The following DNAJB6 variants were observed in gnomAD, a reference collection of about 807,000 sequenced individuals.
DNAJB6 encodes the protein DnaJ heat shock protein family (Hsp40) member B6, also known as dnaJ homolog subfamily B member 6.
A neutral mutation model predicts 42.7 loss-of-function variants in DNAJB6; 16 were observed. That is an observed-to-expected ratio of 0.37 (90% CI 0.25 to 0.57). The LOEUF is 0.57. DNAJB6 is among the 20% of genes least tolerant of loss of function. DNAJB6 has a pLI of 0.74. For synonymous variants in DNAJB6, 170 were observed against 163.5 expected (o/e 1.04, Z -0.30); for missense variants, 347 against 416.8 (o/e 0.83, Z 1.46).
At chr7:157,413,884 G>C (rs1796040861) in intron 9 of DNAJB6, 1 of 152,044 alleles carries the variant, frequency 6.6e-6, no homozygotes, top group Non-Finnish European at 1.5e-5. Flanking sequence ...ACCACTTCTG[G>C]CTCATTTTTG....
chr7:157,410,199 C>T, intron 9 of DNAJB6, 198 bp downstream of exon 9: 4 of 1,312,454 alleles, frequency 3.0e-6, no homozygotes, highest in Non-Finnish European at 3.0e-6. Flanking sequence ...TGGCTCCGGG[C>T]CCCCCACCGT....
intron 5 of DNAJB6, among the ~76,000 whole-genome samples, chr7:157,371,021 C>T (rs1168320991): frequency 1.3e-5 from 2 of 152,216 alleles, no homozygotes; most frequent in African/African-American, 4.8e-5. Context: ...GCAAGCATTA[C>T]TGCCTGAGCC....
intron 4 of DNAJB6, among the ~76,000 whole-genome samples, 177 bp downstream of exon 4, chr7:157,366,738 G>C (rs137857102): frequency 6.6e-6 from 1 of 152,140 alleles, no homozygotes; most frequent in Non-Finnish European, 1.5e-5. Flanking sequence ...AGTCTTTTAC[G>C]AGACTAGAAG....
intron 5 of DNAJB6, chr7:157,379,582 G>T (rs1800646734): frequency 6.6e-6 from 1 of 152,080 alleles, no homozygotes; most frequent in African/African-American, 2.4e-5. Context: ...GAATTCCTGG[G>T]CTCAAGCAGT....
At chr7:157,390,115 C>T (rs367764197) in intron 8 of DNAJB6, among the ~76,000 whole-genome samples, 8 of 152,344 alleles carry the variant, frequency 5.3e-5, no homozygotes, top group Admixed American at 6.5e-5. Flanking sequence ...GTGCTGGCTG[C>T]GGAAACCCAG....
intron 8 of DNAJB6, among the ~76,000 whole-genome samples, chr7:157,394,167 G>A (rs1318613157): frequency 6.6e-6 from 1 of 152,154 alleles, no homozygotes; most frequent in Non-Finnish European, 1.5e-5. Flanking sequence ...TTGTTTTTAA[G>A]TTCGACTTGT....
chr7:157,398,391 AAGG>A (rs1462381524), intron 8 of DNAJB6, among the ~76,000 whole-genome samples: 1 of 152,236 alleles, frequency 6.6e-6, no homozygotes, highest in Non-Finnish European at 1.5e-5. Flanking sequence ...AAGTCAAAGA[AAGG>A]AGCAGTCTCC....
intron 9 of DNAJB6, chr7:157,414,734 T>A (rs1188864973): frequency 6.6e-6 from 1 of 152,428 alleles, no homozygotes; most frequent in Non-Finnish European, 1.5e-5. Flanking sequence ...GTGGACTGGA[T>A]CTGCAGGCTT....
chr7:157,382,612 C>T (rs1371394063), intron 6 of DNAJB6: 2 of 305,830 alleles, frequency 6.5e-6, no homozygotes, highest in Non-Finnish European at 1.2e-5. Context: ...TAATCAAGGC[C>T]AGAATGTAAT....
intron 1 of DNAJB6, among the ~76,000 whole-genome samples, chr7:157,342,417 A>C (rs1798446640): frequency 7.2e-6 from 1 of 139,718 alleles, no homozygotes. Context: ...AGCTCACTGC[A>C]ACCTCTGCCT....
At position 157,369,311 on chromosome 7, in the gene DNAJB6, C is replaced by T. The variant is rs1469562186; in HGVS notation, c.346+1828C>T. 1.1e-5 allele frequency: 5 copies of T among 456,694 alleles called. No homozygotes were observed. In the East Asian group the frequency reaches 2.8e-4, roughly 25 times the overall value. The allele number at this position is 456,694 out of a possible 1,614,324, so 28.3% of individuals were successfully genotyped here. A position where few individuals can be genotyped will look rare whatever the true frequency, so the allele number is the denominator to read the frequency against. ...GATTGATCTCTGTCTTAAAAATGACCTTTGCATCTTGCTGTAGCCTTCAGC... is the reference window on the plus strand; with the variant it reads ...GATTGATCTCTGTCTTAAAAATGACTTTTGCATCTTGCTGTAGCCTTCAGC... On this transcript the variant is annotated intron_variant, in intron 5 of 9. Transcript: ENST00000262177.
chr7:157,360,268 C>G (rs1472184879), intron 2 of DNAJB6, among the ~76,000 whole-genome samples: 1 of 152,102 alleles, frequency 6.6e-6, no homozygotes. Flanking sequence ...AAGCGGAAAC[C>G]CCTTATAAAC....
Position 157,344,479 on chromosome 7 carries a change from C to T in DNAJB6, c.-27+7335C>T, listed in dbSNP as rs141153639. ...AGTGAGCTGAGATTGTGCTGCTGCA[C>T]TCCAGCCTGGGCAACAGAGTGAGAC... On this transcript the variant is annotated intron_variant, in intron 1 of 9. Coordinates refer to ENST00000262177, the MANE Select transcript of DNAJB6 (RefSeq NM_058246.4). Among the ~76,000 whole-genome samples the T allele has an allele frequency of 6.9e-3, 1,050 of 151,208 alleles. 8 individuals are homozygous for T. Among genetic ancestry groups the T allele is most frequent in the African/African-American group, 0.023 (957 of 41,126 alleles).
intron 1 of DNAJB6, among the ~76,000 whole-genome samples, chr7:157,341,183 G>C (rs1470350253): frequency 6.6e-6 from 1 of 152,084 alleles, no homozygotes; most frequent in Non-Finnish European, 1.5e-5. Context: ...TGGATGCAGT[G>C]GCGCCATCTC....
At chr7:157,337,658 A>C (rs1303948051) in intron 1 of DNAJB6, 1 of 152,054 alleles carries the variant, frequency 6.6e-6, no homozygotes, top group Non-Finnish European at 1.5e-5. Context: ...TGTTTCTAGA[A>C]CTCCGGACGG....
intron 5 of DNAJB6, chr7:157,379,362 A>T (rs1800634253): frequency 6.6e-6 from 1 of 152,220 alleles, no homozygotes; most frequent in African/African-American, 2.4e-5. Flanking sequence ...AGCATTGATA[A>T]ATGGGAAATT....
intron 1 of DNAJB6, among the ~76,000 whole-genome samples, chr7:157,353,586 GGTGTGTGTGTGTGTGT>G (rs370854040): frequency 5.7e-5 from 8 of 140,038 alleles, no homozygotes; most frequent in Non-Finnish European, 9.1e-5. Context: ...TCTTGACCGG[GGTGTGTGTGTGTGTGT>G]GTGTGTGTGT....
At chr7:157,399,286 C>T (rs1455413032) in intron 8 of DNAJB6, among the ~76,000 whole-genome samples, 1 of 152,160 alleles carries the variant, frequency 6.6e-6, no homozygotes, top group Non-Finnish European at 1.5e-5. Flanking sequence ...GATGCTCATG[C>T]CTAGAAGGGA....
At chr7:157,337,901 T>C (rs1257938797) in intron 1 of DNAJB6, 1 of 146,274 alleles carries the variant, frequency 6.8e-6, no homozygotes. Context: ...ATGGGTTTGC[T>C]AGTCAGACGT....
Sources: gnomAD v4.1 joint callset for allele counts (sites outside exome capture counted in the v4.1 genomes callset) on GRCh38, gnomAD v4.1.1 for gene constraint, MANE v1.5 for transcripts, NCBI Gene and HGNC (gene_info 2026-07-23, HGNC 2026-07-21) for gene names.